The following CHD3 variants were observed in gnomAD, a reference collection of about 807,000 sequenced individuals.
CHD3 encodes the protein chromodomain helicase DNA binding protein 3.
CHD3 carries 52 observed loss-of-function variants against 248.9 expected under a neutral mutation model. That is an observed-to-expected ratio of 0.21 (90% CI 0.17 to 0.26). The LOEUF (loss-of-function observed/expected upper bound fraction) is 0.26, where lower values mean the gene tolerates loss of function less well. CHD3 is among the 10% of genes least tolerant of loss of function. The pLI is 1.00. For synonymous variants in CHD3, 985 were observed against 985.2 expected, an observed-to-expected ratio of 1.00 and a Z score of 0.00; for missense variants, 1,482 against 2,605.8, an observed-to-expected ratio of 0.57 and a Z score of 9.39.
At position 7,905,922 on chromosome 17, in the gene CHD3, C is replaced by T; in HGVS notation, c.4291C>T (p.Pro1431Ser). ...TGCTGTGATGCGCTGGGGGATGCCA[C>T]CACAGGATGCCTTCACCACACAGTG... ...LNAVMRWGMPPQDAFTTQWLV... is the reference protein window; with the variant it reads ...LNAVMRWGMPSQDAFTTQWLV... The change falls in exon 28 of 40, where the codon CCA (proline) becomes TCA (serine). Residue 1431 changes from proline to serine, a missense_variant. Transcript: ENST00000330494. The surrounding 1 kb of genome is among the most constrained non-coding windows in gnomAD (Gnocchi z 5.8). 2 of 1,614,188 alleles carry T rather than the reference C, an allele frequency of 1.2e-6. No homozygotes were observed. Among genetic ancestry groups the T allele is most frequent in the Non-Finnish European group, 8.5e-7 (1 of 1,180,024 alleles).
upstream of CHD3, chr17:7,884,919 C>T: frequency 7.2e-7 from 1 of 1,397,996 alleles, no homozygotes; most frequent in South Asian, 1.5e-5. Flanking sequence ...GAGGTGGAGG[C>T]GGCCGACGAG....
In CHD3 at chr17:7,902,740, C is replaced by T. The variant is rs749717891; in HGVS notation, c.3370+13C>T. Reference sequence around the variant, plus strand: ...GATCGGTTTAATGGTGAGGGAGATACACTGGTCCCTGGTGGGTGTGGGAGG... The same window carrying T: ...GATCGGTTTAATGGTGAGGGAGATATACTGGTCCCTGGTGGGTGTGGGAGG... On this transcript the variant is annotated intron_variant, in intron 21 of 39. Coordinates refer to ENST00000330494, the MANE Select transcript of CHD3 (RefSeq NM_001005273.3). The T allele has an allele frequency of 2.8e-5, 45 of 1,607,598 alleles. No homozygotes were observed. Among genetic ancestry groups the T allele is most frequent in the Non-Finnish European group, 3.7e-5 (44 of 1,174,650 alleles).
chr17:7,889,634 T>G lies in CHD3; in HGVS notation c.101-30T>G. 1.9e-6 allele frequency: 3 copies of G among 1,583,766 alleles called. No individual in the cohort carries two copies. Among genetic ancestry groups the G allele is most frequent in the Non-Finnish European group, 1.7e-6 (2 of 1,160,492 alleles). ...CCTCAGAGGCTGGAAACCTAGAGGCTTAGGTTTTCTGATGCTTTTTGCTTC... is the reference window on the plus strand; with the variant it reads ...CCTCAGAGGCTGGAAACCTAGAGGCGTAGGTTTTCTGATGCTTTTTGCTTC... On this transcript the variant is annotated intron_variant, in intron 1 of 39. Transcript: ENST00000330494. This position sits in a 1 kb window ranked among gnomAD's most constrained non-coding sequence, Gnocchi z 4.5.
intron 6 of CHD3, 57 bp downstream of exon 6, chr17:7,893,992 GA>G: frequency 6.4e-7 from 1 of 1,569,976 alleles, no homozygotes. Context: ...CAGAGACAGG[GA>G]TCCGTGAGGG....
Position 7,907,619 on chromosome 17 carries a change from G to C in CHD3, c.4943G>C (p.Gly1648Ala). The C allele has an allele frequency of 6.6e-7, 1 of 1,519,510 alleles. No individual in the cohort carries two copies. The highest frequency in any genetic ancestry group is 8.8e-7 in the Non-Finnish European group (1 of 1,137,164). 94.1% of individuals were successfully genotyped at this position (1,519,510 alleles called of 1,614,324 possible). Residue 1648 changes from glycine (G) to alanine (A), a missense_variant, in exon 33 of 40, where the codon GGA becomes GCA. Physicochemically the swap from Gly to Ala is moderately conservative, Grantham distance 60 (BLOSUM62 0). Transcript: ENST00000330494. This position sits in a 1 kb window ranked among gnomAD's most constrained non-coding sequence, Gnocchi z 4.3. Reference sequence around the variant, plus strand: ...CCCACAGCCACAGAGTCGACGCCAGGAGAAAGGGGGGAGGAGAAGCCGTTG... The same window carrying C: ...CCCACAGCCACAGAGTCGACGCCAGCAGAAAGGGGGGAGGAGAAGCCGTTG... ...REKSATESTP[G>A]ERGEEKPLDG...
chr17:7,910,126 A>G lies in CHD3; in HGVS notation c.5591-302A>G. The stretch of plus-strand genomic sequence containing the variant: ...CAACTCCCCGCCCCCATGTCTTCCA[A>G]TGTCCCCCCATCTTCCTTTCCTCCA... On this transcript the variant is annotated intron_variant, in intron 37 of 39. Transcript: ENST00000330494. The surrounding 1 kb of genome is among the most constrained non-coding windows in gnomAD (Gnocchi z 4.7). 3.6e-6 allele frequency: 1 copy of G among 281,566 alleles called. No homozygotes were observed. 17.4% of individuals were successfully genotyped at this position (281,566 alleles called of 1,614,324 possible).
chr17:7,900,135 G>A lies in CHD3; in HGVS notation c.2682+102G>A. The A allele has an allele frequency of 1.3e-6, 2 of 1,528,862 alleles. No individual in the cohort carries two copies. Among genetic ancestry groups the A allele is most frequent in the Non-Finnish European group, 1.8e-6 (2 of 1,130,800 alleles). 94.7% of individuals were successfully genotyped at this position (1,528,862 alleles called of 1,614,324 possible). Reference sequence around the variant, plus strand: ...ATTCTGGGGATTTTCTGTAGTCTGGGAGGACGTCCAGGTTGGAAGAGGGAG... The same window carrying A: ...ATTCTGGGGATTTTCTGTAGTCTGGAAGGACGTCCAGGTTGGAAGAGGGAG... On this transcript the variant is annotated intron_variant, in intron 16 of 39. Coordinates refer to ENST00000330494, the MANE Select transcript of CHD3 (RefSeq NM_001005273.3). The surrounding 1 kb of genome is among the most constrained non-coding windows in gnomAD (Gnocchi z 6.5).
rs1397290052 is a variant in CHD3 at position 7,890,644 on chromosome 17, G to C, written c.287G>C (p.Gly96Ala). 1.2e-6 allele frequency: 2 copies of C among 1,610,150 alleles called. No homozygotes were observed. ...EKSESGGSEYGTGPGRKRRRK... is the reference protein window; with the variant it reads ...EKSESGGSEYATGPGRKRRRK... Reference sequence around the variant, plus strand: ...TCAGAGAGTGGGGGCAGTGAATATGGAACCGGACCGGGTCGGAAACGAAGA... The same window carrying C: ...TCAGAGAGTGGGGGCAGTGAATATGCAACCGGACCGGGTCGGAAACGAAGA... Residue 96 changes from glycine (G) to alanine (A), a missense_variant, in exon 3 of 40, where the codon GGA becomes GCA. By Grantham distance (60) the Gly-to-Ala change is moderately conservative. Coordinates refer to ENST00000330494, the MANE Select transcript of CHD3 (RefSeq NM_001005273.3).
At position 7,909,379 on chromosome 17, in the gene CHD3, C is replaced by A. The variant is rs200160738; in HGVS notation, c.5590+41C>A. 5 of 1,506,564 alleles carry A rather than the reference C, an allele frequency of 3.3e-6. No homozygotes were observed. The highest frequency in any genetic ancestry group is 4.3e-5 in the Admixed American group (2 of 46,574). The allele number at this position is 1,506,564 out of a possible 1,614,324, so 93.3% of individuals were successfully genotyped here. ...GCCCCGCGCGGGGGAGGGCCCACAA[C>A]GCTGCGTAAGTCTTCACCCCGCACC... On this transcript the variant is annotated intron_variant, in intron 37 of 39. Coordinates refer to ENST00000330494, the MANE Select transcript of CHD3 (RefSeq NM_001005273.3). The surrounding 1 kb of genome is among the most constrained non-coding windows in gnomAD (Gnocchi z 8.1).
intron 20 of CHD3, 127 bp downstream of exon 20, chr17:7,901,502 GAGT>G: frequency 1.6e-5 from 5 of 305,668 alleles, no homozygotes; most frequent in Non-Finnish European, 2.2e-5. Context: ...CCTCCTGTAA[GAGT>G]TTTTTTTTTT....
At position 7,909,626 on chromosome 17, in the gene CHD3, GT is replaced by G. The variant is rs1971407845; in HGVS notation, c.5590+289del. 2.1e-6 allele frequency: 1 copy of G among 484,846 alleles called. No homozygotes were observed. The highest frequency in any genetic ancestry group is 3.7e-6 in the Non-Finnish European group (1 of 273,496). The allele number at this position is 484,846 out of a possible 1,614,324, so 30.0% of individuals were successfully genotyped here. On this transcript the variant is annotated intron_variant, in intron 37 of 39. Coordinates refer to ENST00000330494, the MANE Select transcript of CHD3 (RefSeq NM_001005273.3). The surrounding 1 kb of genome is among the most constrained non-coding windows in gnomAD (Gnocchi z 8.1). ...ACACAGTGGGGCCTCTTCACTGGCA[GT>G]GGAACTGCATGCCTGCCATACTGCT...
chr17:7,891,677 A>G (rs1597924889), intron 4 of CHD3, among the ~76,000 whole-genome samples: 1 of 152,244 alleles, frequency 6.6e-6, no homozygotes, highest in Non-Finnish European at 1.5e-5. Flanking sequence ...CCCATCCAAC[A>G]TGGTGAAACC....
rs1969494843 is a variant in CHD3, at chr17:7,895,358, G to A, written c.1523G>A (p.Arg508Gln). 6.2e-7 allele frequency: 1 copy of A among 1,614,136 alleles called. No individual in the cohort carries two copies. Among genetic ancestry groups the A allele is most frequent in the Non-Finnish European group, 8.5e-7 (1 of 1,180,024 alleles). Residue 508 changes from arginine (R) to glutamine (Q), a missense_variant, in exon 10 of 40, where the codon CGA becomes CAA. Physicochemically the swap from Arg to Gln is conservative, Grantham distance 43 (BLOSUM62 1). Around this residue, in one of 20 missense-constraint regions of CHD3, gnomAD observed 138 missense variants for 241.1 expected, o/e 0.57. Coordinates refer to ENST00000330494, the MANE Select transcript of CHD3 (RefSeq NM_001005273.3). The surrounding 1 kb of genome is among the most constrained non-coding windows in gnomAD (Gnocchi z 4.9). The part of the protein sequence containing the change: ...PRCTCPVLKG[R>Q]VQKILHWRWG... ...CCAAAGTGCCCCGTGCTGAAGGGTC[G>A]AGTGCAGAAGATCCTACATTGGCGG... is the stretch of plus-strand genomic sequence containing the variant.
chr17:7,889,230 T>A lies in CHD3; in HGVS notation c.100+130T>A, dbSNP rs958569519. 8.8e-7 allele frequency: 1 copy of A among 1,130,176 alleles called. No individual in the cohort carries two copies. The highest frequency in any genetic ancestry group is 1.3e-6 in the Non-Finnish European group (1 of 795,352). The allele number at this position is 1,130,176 out of a possible 1,614,324, so 70.0% of individuals were successfully genotyped here. ...CTCCCCAGCATCTGGCTTAGGGAGC[T>A]GCCAGCTTGTGTCTCCCCACTCCAA... On this transcript the variant is annotated intron_variant, in intron 1 of 39. Coordinates refer to ENST00000330494, the MANE Select transcript of CHD3 (RefSeq NM_001005273.3). This position sits in a 1 kb window ranked among gnomAD's most constrained non-coding sequence, Gnocchi z 4.5.
In CHD3 at chr17:7,894,961, A is replaced by G; in HGVS notation, c.1314A>G (p.Glu438=). ...VQWEAKEEEE[E]YEEEGEEEGE... ...GGGAGGCCAAGGAGGAAGAAGAAGAATACGAAGAGGAGGGAGAGGAAGAAG... is the reference window on the plus strand; with the variant it reads ...GGGAGGCCAAGGAGGAAGAAGAAGAGTACGAAGAGGAGGGAGAGGAAGAAG... The change falls in exon 9 of 40, where the codon GAA becomes GAG. Residue 438 remains glutamate (E), a synonymous_variant. Transcript: ENST00000330494. The G allele has an allele frequency of 1.2e-6, 2 of 1,613,564 alleles. No individual in the cohort carries two copies. The highest frequency in any genetic ancestry group is 1.7e-6 in the Non-Finnish European group (2 of 1,179,752).
In CHD3 at chr17:7,911,538, G is replaced by T; in HGVS notation, c.5956G>T (p.Asp1986Tyr). ...MVGALVSDGL[D>Y]RKEPRAGEVI... The stretch of plus-strand genomic sequence containing the variant: ...GGGGGCATTGGTGTCAGACGGGCTG[G>T]ATCGGAAGGAGCCCCGAGCCGGGGA... Residue 1986 changes from aspartate (D) to tyrosine (Y), a missense_variant, in exon 40 of 40, where the codon GAT becomes TAT. Around this residue, in one of 20 missense-constraint regions of CHD3, gnomAD observed 117 missense variants for 137.2 expected, o/e 0.85. Transcript: ENST00000330494. The surrounding 1 kb of genome is among the most constrained non-coding windows in gnomAD (Gnocchi z 5.4). The T allele has an allele frequency of 3.7e-6, 6 of 1,614,246 alleles. No individual in the cohort carries two copies. The highest frequency in any genetic ancestry group is 5.1e-6 in the Non-Finnish European group (6 of 1,180,038).
chr17:7,884,894 G>A (rs770625965), upstream of CHD3: 11 of 1,085,664 alleles, frequency 1.0e-5, no homozygotes, highest in Non-Finnish European at 1.4e-5. Context: ...AGAGGGCGAC[G>A]AGGAGGAGGA....
Position 7,910,308 on chromosome 17 carries a change from TCTC to T in CHD3, c.5591-116_5591-114del, listed in dbSNP as rs756289661. ...ATCTCTGGTTCTTTGACATCTGTGT[TCTC>T]CTCTCTCGCTCTTTTTCTGCCTGTA... On this transcript the variant is annotated intron_variant, in intron 37 of 39. Transcript: ENST00000330494. The surrounding 1 kb of genome is among the most constrained non-coding windows in gnomAD (Gnocchi z 4.7). 4.9e-6 allele frequency: 6 copies of T among 1,221,120 alleles called. No individual in the cohort carries two copies. In the African/African-American group the frequency reaches 6.0e-5, roughly 12 times the overall value. The allele number at this position is 1,221,120 out of a possible 1,614,324, so 75.6% of individuals were successfully genotyped here.
At chr17:7,884,972 C>T (rs1567823841), upstream of CHD3, 7 of 1,314,630 alleles carry the variant, frequency 5.3e-6, no homozygotes, top group Non-Finnish European at 5.9e-6. Flanking sequence ...CGGGCGCGGG[C>T]CGGGCCACGA....
Sources: gnomAD v4.1 joint callset for allele counts (sites outside exome capture counted in the v4.1 genomes callset) on GRCh38, gnomAD v4.1.1 for gene constraint, gnomAD v4.1.1 regional missense constraint, Gnocchi (gnomAD v3.1) non-coding constraint, MANE v1.5 for transcripts, NCBI Gene and HGNC (gene_info 2026-07-23, HGNC 2026-07-21) for gene names.